The following CREB5 variants were observed in gnomAD, a reference collection of about 807,000 sequenced individuals.
The protein encoded by CREB5 is cyclic AMP-responsive element-binding protein 5.
A neutral mutation model predicts 57.1 loss-of-function variants in CREB5; 19 were observed. That is an observed-to-expected ratio of 0.33 (90% CI 0.23 to 0.49). The LOEUF is 0.49. Ranked by LOEUF, CREB5 falls within the 20% of genes least tolerant of loss-of-function variation. The pLI is 0.99. For missense variants in CREB5, 579 were observed against 671.6 expected (o/e 0.86, Z 1.52); for synonymous variants, 238 against 238.3 (o/e 1.00, Z 0.01).
At chr7:28,360,604 A>G (rs1786455651) in intron 1 of CREB5, among the ~76,000 whole-genome samples, 1 of 152,212 alleles carries the variant, frequency 6.6e-6, no homozygotes, top group South Asian at 2.1e-4. Context: ...AGGGTACAAT[A>G]TTTCAGTTAG....
At chr7:28,752,514 C>T (rs1165334570) in intron 7 of CREB5, among the ~76,000 whole-genome samples, 2 of 152,148 alleles carry the variant, frequency 1.3e-5, no homozygotes, top group African/African-American at 2.4e-5. Flanking sequence ...TTGAGACAAG[C>T]GAACACCCTA....
At chr7:28,740,642 AG>A (rs1206830745) in intron 7 of CREB5, among the ~76,000 whole-genome samples, 2 of 152,216 alleles carry the variant, frequency 1.3e-5, no homozygotes, top group African/African-American at 4.8e-5. Context: ...CATGATGATG[AG>A]TGAAAAAAAG....
rs751628412 is a variant in CREB5 at position 28,642,951 on chromosome 7, TAC to T, written c.464+72448_464+72449del. On this transcript the variant is annotated intron_variant, in intron 5 of 10. Coordinates refer to ENST00000357727, the MANE Select transcript of CREB5 (RefSeq NM_182898.4). ...AAACAGACCGAAAGGAGGGTAGATT[TAC>T]ACACACACACACACACACACACACA... Among the ~76,000 whole-genome samples the T allele has an allele frequency of 4.0e-3, 363 of 89,672 alleles. 1 individual carries two copies. The highest frequency in any genetic ancestry group is 7.7e-3 in the South Asian group (19 of 2,466). The allele number at this position is 89,672 out of a possible 152,430, so 58.8% of individuals were successfully genotyped here.
chr7:28,807,342 G>C (rs1362581873), intron 8 of CREB5, among the ~76,000 whole-genome samples: 2 of 152,180 alleles, frequency 1.3e-5, no homozygotes, highest in Non-Finnish European at 2.9e-5. Flanking sequence ...CCAGCTACTT[G>C]GGAGGCTGAG....
chr7:28,537,146 T>G (rs1210785071), intron 4 of CREB5, among the ~76,000 whole-genome samples: 1 of 152,248 alleles, frequency 6.6e-6, no homozygotes, highest in African/African-American at 2.4e-5. Flanking sequence ...TTCTTGTATA[T>G]TCATTGAAGT....
At chr7:28,673,655 CTCTTTTT>C (rs1434713392) in intron 5 of CREB5, among the ~76,000 whole-genome samples, 2 of 130,802 alleles carry the variant, frequency 1.5e-5, no homozygotes, top group African/African-American at 5.8e-5. Context: ...TTCTCTCTCT[CTCTTTTT>C]TTTTTTTTTT....
chr7:28,483,228 G>A (rs985210362), intron 1 of CREB5, among the ~76,000 whole-genome samples: 3 of 152,164 alleles, frequency 2.0e-5, no homozygotes, highest in African/African-American at 7.2e-5. Context: ...TCCCTAAATG[G>A]CTGGCAAAGC....
intron 1 of CREB5, among the ~76,000 whole-genome samples, chr7:28,314,346 A>G (rs1002235852): frequency 6.6e-6 from 1 of 152,198 alleles, no homozygotes; most frequent in Non-Finnish European, 1.5e-5. Context: ...TAGAACATTC[A>G]TTACTTTTTC....
At chr7:28,519,230 C>CT (rs1380889380) in intron 4 of CREB5, among the ~76,000 whole-genome samples, 1 of 151,740 alleles carries the variant, frequency 6.6e-6, no homozygotes, top group African/African-American at 2.4e-5. Context: ...AGATTTTTTT[C>CT]TTTATTTGTA....
At chr7:28,565,121 T>G (rs1343498707) in intron 4 of CREB5, among the ~76,000 whole-genome samples, 1 of 152,196 alleles carries the variant, frequency 6.6e-6, no homozygotes, top group Non-Finnish European at 1.5e-5. Context: ...TTCAACACTA[T>G]TACACATTAC....
intron 5 of CREB5, among the ~76,000 whole-genome samples, chr7:28,657,738 A>AAAT (rs1554281277): frequency 0.17 from 23,537 of 138,666 alleles, 2,743 homozygotes; most frequent in Non-Finnish European, 0.25. Context: ...AAAAAAAAAA[A>AAAT]GAATAAAATT....
chr7:28,410,248 C>T (rs1339115597), upstream of CREB5: 6 of 455,034 alleles, frequency 1.3e-5, no homozygotes, highest in Middle Eastern at 4.5e-4. Flanking sequence ...CCGTCCGCTC[C>T]AGTCCACTCC....
intron 3 of CREB5, among the ~76,000 whole-genome samples, chr7:28,502,104 G>A (rs1792297352): frequency 6.6e-6 from 1 of 152,148 alleles, no homozygotes; most frequent in Admixed American, 6.5e-5. Flanking sequence ...TTGTAGCACT[G>A]CCTTTCAGGA....
At chr7:28,499,709 G>C (rs557358536) in intron 3 of CREB5, among the ~76,000 whole-genome samples, 3 of 152,144 alleles carry the variant, frequency 2.0e-5, no homozygotes, top group Non-Finnish European at 4.4e-5. Context: ...TCAGCCTCCT[G>C]ACTAGCTGGG....
intron 5 of CREB5, among the ~76,000 whole-genome samples, chr7:28,657,336 C>T (rs1299948608): frequency 1.6e-4 from 25 of 152,172 alleles, no homozygotes; most frequent in Admixed American, 1.6e-3. Context: ...TGATAATTCT[C>T]GCCAGTGATA....
At chr7:28,491,837 C>A (rs1791821931) in intron 2 of CREB5, among the ~76,000 whole-genome samples, 1 of 152,156 alleles carries the variant, frequency 6.6e-6, no homozygotes, top group Non-Finnish European at 1.5e-5. Context: ...ATGGAGAAGA[C>A]AGGATGACTG....
intron 5 of CREB5, among the ~76,000 whole-genome samples, chr7:28,669,103 T>C (rs1016250664): frequency 6.6e-6 from 1 of 152,208 alleles, no homozygotes; most frequent in East Asian, 1.9e-4. Flanking sequence ...ATGGGTCTCA[T>C]AGAAACTGCA....
At chr7:28,529,676 G>A (rs1793637188) in intron 4 of CREB5, among the ~76,000 whole-genome samples, 1 of 152,146 alleles carries the variant, frequency 6.6e-6, no homozygotes, top group Admixed American at 6.5e-5. Context: ...CCCTCTGAGA[G>A]GGAGAGCAAG....
intron 3 of CREB5, among the ~76,000 whole-genome samples, chr7:28,506,065 A>G (rs65265): frequency 0.73 from 110,780 of 152,082 alleles, 40,940 homozygotes; most frequent in African/African-American, 0.82. Context: ...AGAATGGGAA[A>G]AAATGCAGAT....
Sources: allele counts gnomAD v4.1 joint callset (sites outside exome capture counted in the v4.1 genomes callset), GRCh38; gene constraint gnomAD v4.1.1; transcripts MANE v1.5; gene names NCBI Gene and HGNC (gene_info 2026-07-23, HGNC 2026-07-21).